The following NTM variants were observed in gnomAD, a reference collection of about 807,000 sequenced individuals.
NTM encodes the protein IgLON family member 2.
Under a neutral mutation model 42.1 loss-of-function variants are expected in NTM, and 13 were observed. That is an observed-to-expected ratio of 0.31 (90% CI 0.20 to 0.49). The LOEUF is 0.49. Ranked by LOEUF, NTM falls within the 20% of genes least tolerant of loss-of-function variation. NTM has a pLI of 0.99. For missense variants in NTM, 373 were observed against 452.8 expected (o/e 0.82, Z 1.60); for synonymous variants, 187 against 179.2 (o/e 1.04, Z -0.35).
chr11:131,659,211 C>G (rs963879311), intron 1 of NTM, among the ~76,000 whole-genome samples: 1 of 152,238 alleles, frequency 6.6e-6, no homozygotes, highest in African/African-American at 2.4e-5. Context: ...CAAGTGATCT[C>G]TTCTCCCATG....
chr11:131,719,672 TAA>T (rs1041556874), intron 1 of NTM, among the ~76,000 whole-genome samples: 1 of 152,178 alleles, frequency 6.6e-6, no homozygotes, highest in African/African-American at 2.4e-5. Context: ...ACATATTTGC[TAA>T]GTGTGGAGGC....
intron 2 of NTM, among the ~76,000 whole-genome samples, chr11:132,111,040 G>A (rs936555611): frequency 8.0e-6 from 1 of 125,520 alleles, no homozygotes; most frequent in Admixed American, 9.6e-5. Context: ...CACAAGCCTG[G>A]GTGACACAGC....
chr11:132,044,770 G>GA (rs946723796), intron 2 of NTM, among the ~76,000 whole-genome samples: 39 of 152,110 alleles, frequency 2.6e-4, no homozygotes, highest in African/African-American at 9.4e-4. Flanking sequence ...GGAAGAACTA[G>GA]AAAATCTAGA....
chr11:131,594,540 G>A (rs1396029111), intron 1 of NTM, among the ~76,000 whole-genome samples: 2 of 149,844 alleles, frequency 1.3e-5, no homozygotes, highest in Non-Finnish European at 3.0e-5. Flanking sequence ...TGACTACAGT[G>A]CAGACCACCG....
chr11:131,522,404 G>C (rs571955581), intron 1 of NTM, among the ~76,000 whole-genome samples: 1 of 150,938 alleles, frequency 6.6e-6, no homozygotes, highest in Non-Finnish European at 1.5e-5. Context: ...TTCATTTTTA[G>C]CTAATGTAAG....
At position 131,624,245 on chromosome 11, in the gene NTM, C is replaced by T. The variant is rs561481329; in HGVS notation, c.82+253357C>T. Among the ~76,000 whole-genome samples, 17 of 152,302 alleles carry T rather than the reference C, an allele frequency of 1.1e-4. No individual in the cohort carries two copies. In the East Asian group the frequency reaches 3.1e-3, roughly 28 times the overall value. ...CGTCCTGCCCTTATTCAAGGACCAG[C>T]GTTTCCAGCACATCATTCAGTGGCA... On this transcript the variant is annotated intron_variant, in intron 1 of 8. Coordinates refer to ENST00000683400, the MANE Select transcript of NTM (RefSeq NM_001352005.2).
chr11:131,599,642 T>A (rs887896953), intron 1 of NTM, among the ~76,000 whole-genome samples: 1 of 152,352 alleles, frequency 6.6e-6, no homozygotes, highest in East Asian at 1.9e-4. Flanking sequence ...GTCATAATGG[T>A]GAGCAGGAGA....
intron 2 of NTM, among the ~76,000 whole-genome samples, chr11:131,962,371 C>A (rs1368276080): frequency 6.6e-6 from 1 of 152,188 alleles, no homozygotes; most frequent in African/African-American, 2.4e-5. Context: ...GAAACCCTAA[C>A]CCTCAATGGG....
intron 1 of NTM, among the ~76,000 whole-genome samples, chr11:131,789,522 AAGAAGAAGAAGAAGAAGAAG>A (rs2090187295): frequency 4.3e-5 from 1 of 23,528 alleles, no homozygotes; most frequent in African/African-American, 2.4e-4. Flanking sequence ...GAAGAAGAAG[AAGAAGAAGAAGAAGAAGAAG>A]AAGAAAAGAA....
At chr11:131,720,212 T>C (rs991517518) in intron 1 of NTM, among the ~76,000 whole-genome samples, 1 of 152,232 alleles carries the variant, frequency 6.6e-6, no homozygotes, top group African/African-American at 2.4e-5. Context: ...AGGTACTGCA[T>C]TTAACTCTCA....
At chr11:131,417,265 C>T (rs1386979475) in intron 1 of NTM, among the ~76,000 whole-genome samples, 2 of 152,188 alleles carry the variant, frequency 1.3e-5, no homozygotes, top group African/African-American at 4.8e-5. Context: ...CAGCGAAAAC[C>T]TACCCAAACT....
intron 1 of NTM, among the ~76,000 whole-genome samples, chr11:131,558,232 C>G (rs1321406080): frequency 6.6e-6 from 1 of 152,122 alleles, no homozygotes; most frequent in Non-Finnish European, 1.5e-5. Context: ...CACAGAGCCC[C>G]TGCAGCCCTC....
At chr11:132,318,508 C>A (rs1289604212) in intron 7 of NTM, among the ~76,000 whole-genome samples, 4 of 152,154 alleles carry the variant, frequency 2.6e-5, no homozygotes, top group African/African-American at 9.7e-5. Context: ...ACTTCCAGTC[C>A]TCCCCTGCAA....
intron 3 of NTM, among the ~76,000 whole-genome samples, chr11:132,185,307 T>G (rs1311244894): frequency 6.6e-6 from 1 of 152,248 alleles, no homozygotes; most frequent in East Asian, 1.9e-4. Context: ...GCACACATTT[T>G]CTTGAGATAT....
At chr11:131,730,509 G>T (rs2079512663) in intron 1 of NTM, among the ~76,000 whole-genome samples, 1 of 152,030 alleles carries the variant, frequency 6.6e-6, no homozygotes, top group South Asian at 2.1e-4. Context: ...GAACCCGGGA[G>T]TTTGGGACCA....
chr11:131,554,087 A>G (rs750825063), intron 1 of NTM, among the ~76,000 whole-genome samples: 3 of 152,180 alleles, frequency 2.0e-5, no homozygotes, highest in African/African-American at 4.8e-5. Context: ...AAATCCTGTA[A>G]GAGTTGACTC....
chr11:132,325,331 AC>A (rs1283052830), intron 7 of NTM, among the ~76,000 whole-genome samples: 1 of 152,256 alleles, frequency 6.6e-6, no homozygotes, highest in African/African-American at 2.4e-5. Context: ...CAAGAAAAAA[AC>A]AACCCCATCA....
intron 1 of NTM, among the ~76,000 whole-genome samples, chr11:131,865,755 C>T (rs866746246): frequency 6.7e-6 from 1 of 150,160 alleles, no homozygotes; most frequent in Non-Finnish European, 1.5e-5. Context: ...CACACACAAG[C>T]TACACACACA....
intron 1 of NTM, among the ~76,000 whole-genome samples, chr11:131,573,068 C>G (rs562031416): frequency 2.0e-5 from 3 of 152,176 alleles, no homozygotes; most frequent in Non-Finnish European, 4.4e-5. Context: ...ACTCCCTCCT[C>G]TTGACAAGGC....
Sources: allele counts gnomAD v4.1 joint callset (sites outside exome capture counted in the v4.1 genomes callset), GRCh38; gene constraint gnomAD v4.1.1; transcripts MANE v1.5; gene names NCBI Gene and HGNC (gene_info 2026-07-23, HGNC 2026-07-21).